Variants in LRP1B observed in about 807,000 individuals in gnomAD.
LRP1B encodes the protein LDL receptor related protein 1B, also known as low-density lipoprotein receptor-related protein 1B.
In LRP1B, 217 loss-of-function variants were observed where a neutral mutation model predicts 556.6. The ratio of observed to expected loss-of-function variants is 0.39; its 90% CI spans 0.35 to 0.44. LRP1B has a LOEUF of 0.44. LRP1B is among the 20% of genes least tolerant of loss of function. The pLI is 1.00. For synonymous variants in LRP1B, 2,047 were observed against 1,865.8 expected (o/e 1.10, Z -2.50); for missense variants, 5,053 against 5,620.8 (o/e 0.90, Z 3.23).
At chr2:140,628,162 A>ATG (rs569844065) in intron 41 of LRP1B, among the ~76,000 whole-genome samples, 7 of 152,040 alleles carry the variant, frequency 4.6e-5, no homozygotes, top group Non-Finnish European at 1.0e-4. Context: ...TGGTGTCAAG[A>ATG]TGTGTGTGTG....
chr2:140,328,884 T>TAACA (rs1471974597), intron 79 of LRP1B, among the ~76,000 whole-genome samples: 1 of 152,040 alleles, frequency 6.6e-6, no homozygotes, highest in African/African-American at 2.4e-5. Flanking sequence ...AAAATAATCC[T>TAACA]AACATTCATA....
At position 140,238,188 on chromosome 2, in the gene LRP1B, A is replaced by G. The variant is rs1439049099; in HGVS notation, c.13524T>C (p.Gly4508=). ...CTATCATAAAGCCAGGATCTAAAAG[A>G]CCTCCATCGTTGTGATCATGATCTA... The part of the protein sequence containing the change: ...YEVDHDHNDG[G]LLDPGFMIDP... The change falls in exon 89 of 91, where the codon GGT becomes GGC. Residue 4508 remains glycine (G), a synonymous_variant. Transcript: ENST00000389484. 1.2e-6 allele frequency: 2 copies of G among 1,604,666 alleles called. No individual in the cohort carries two copies.
chr2:141,044,467 A>G (rs1190539851), intron 11 of LRP1B, among the ~76,000 whole-genome samples: 4 of 150,594 alleles, frequency 2.7e-5, no homozygotes, highest in Non-Finnish European at 6.0e-5. Context: ...AGAAACTACC[A>G]TCAGAGTGAA....
chr2:140,495,775 A>G, intron 55 of LRP1B, 27 bp from the exon 56 acceptor site: 2 of 1,563,948 alleles, frequency 1.3e-6, no homozygotes, highest in Non-Finnish European at 8.8e-7. Context: ...GAGCATAATC[A>G]ATTCATATCA....
chr2:140,296,929 G>C (rs1471420542), intron 84 of LRP1B, among the ~76,000 whole-genome samples: 2 of 152,138 alleles, frequency 1.3e-5, no homozygotes, highest in African/African-American at 4.8e-5. Flanking sequence ...TAAAAAAGAG[G>C]AGAGAGTAGT....
chr2:141,214,366 C>T (rs923163021), intron 6 of LRP1B, among the ~76,000 whole-genome samples: 5 of 152,228 alleles, frequency 3.3e-5, no homozygotes, highest in Middle Eastern at 3.4e-3. Flanking sequence ...CACAGACACC[C>T]GAGCCTGTCC....
rs773818560 is a variant in LRP1B at position 140,364,797 on chromosome 2, C to T, written c.11009-14G>A. ...ATATATTTCCTCCTTTATTTTAAAA[C>T]AAAAAGAAACAAAGAGATTCAGAGT... On this transcript the variant is annotated splice_polypyrimidine_tract_variant and intron_variant, in intron 71 of 90. Coordinates refer to ENST00000389484, the MANE Select transcript of LRP1B (RefSeq NM_018557.3). 6.2e-7 allele frequency: 1 copy of T among 1,605,116 alleles called. No individual in the cohort carries two copies. The highest frequency in any genetic ancestry group is 1.4e-5 in the African/African-American group (1 of 74,028).
chr2:140,676,375 T>C (rs1685671797), intron 41 of LRP1B, among the ~76,000 whole-genome samples: 1 of 152,206 alleles, frequency 6.6e-6, no homozygotes, highest in African/African-American at 2.4e-5. Flanking sequence ...AGATATTTCT[T>C]GGATAATCCC....
intron 7 of LRP1B, among the ~76,000 whole-genome samples, chr2:141,134,181 C>T (rs1411047642): frequency 1.3e-5 from 2 of 151,748 alleles, no homozygotes; most frequent in African/African-American, 4.8e-5. Flanking sequence ...CTCTGCTTGG[C>T]TCCTCATCTA....
chr2:141,694,065 GC>G (rs1475231962), intron 2 of LRP1B, among the ~76,000 whole-genome samples: 1 of 152,122 alleles, frequency 6.6e-6, no homozygotes, highest in East Asian at 1.9e-4. Context: ...GCACAAGATC[GC>G]GGAATGTAAA....
intron 21 of LRP1B, among the ~76,000 whole-genome samples, chr2:140,918,823 T>A (rs1048034305): frequency 6.6e-6 from 1 of 151,970 alleles, no homozygotes. Context: ...ACACACCAGG[T>A]TTCCCAGTTC....
intron 3 of LRP1B, among the ~76,000 whole-genome samples, chr2:141,365,655 C>CTTTTTTTTTTTTTTTTTTGG (rs781538829): frequency 8.3e-6 from 1 of 121,150 alleles, no homozygotes; most frequent in African/African-American, 3.2e-5. Flanking sequence ...GTTTTTGTTG[C>CTTTTTTTTTTTTTTTTTTGG]TTTTTTTTTT....
chr2:141,709,786 A>T (rs1692289047), intron 2 of LRP1B, among the ~76,000 whole-genome samples: 1 of 151,986 alleles, frequency 6.6e-6, no homozygotes, highest in African/African-American at 2.4e-5. Context: ...TTTTAATAAG[A>T]TCGGTGTCTT....
At chr2:141,164,156 G>A (rs1482931153) in intron 7 of LRP1B, among the ~76,000 whole-genome samples, 2 of 152,012 alleles carry the variant, frequency 1.3e-5, no homozygotes, top group Non-Finnish European at 2.9e-5. Context: ...AAGTTAGAGA[G>A]AAGCAAGTCA....
At chr2:141,311,503 C>T (rs975659783) in intron 3 of LRP1B, among the ~76,000 whole-genome samples, 2 of 152,030 alleles carry the variant, frequency 1.3e-5, no homozygotes. Flanking sequence ...TTAAATGGGT[C>T]CTCCAAACTT....
chr2:141,033,027 C>T (rs1698422779), intron 11 of LRP1B, among the ~76,000 whole-genome samples: 1 of 151,942 alleles, frequency 6.6e-6, no homozygotes, highest in East Asian at 1.9e-4. Context: ...GCTGGAGAGA[C>T]AGTACTGAGG....
intron 78 of LRP1B, among the ~76,000 whole-genome samples, chr2:140,335,223 T>A (rs1681019089): frequency 6.6e-6 from 1 of 151,844 alleles, no homozygotes; most frequent in Non-Finnish European, 1.5e-5. Flanking sequence ...TGTGTGTACC[T>A]TCATCTTTTA....
At chr2:141,881,973 T>C (rs1043045583) in intron 1 of LRP1B, among the ~76,000 whole-genome samples, 12 of 152,132 alleles carry the variant, frequency 7.9e-5, no homozygotes, top group Non-Finnish European at 1.8e-4. Flanking sequence ...CCCAGGCTAG[T>C]CTGGAGCATC....
At chr2:142,079,053 G>C (rs1036239366) in intron 1 of LRP1B, among the ~76,000 whole-genome samples, 1 of 152,024 alleles carries the variant, frequency 6.6e-6, no homozygotes, top group African/African-American at 2.4e-5. Context: ...ATTTTAACAT[G>C]ATTCAAAGTT....
Sources: allele counts gnomAD v4.1 joint callset (sites outside exome capture counted in the v4.1 genomes callset), GRCh38; gene constraint gnomAD v4.1.1; transcripts MANE v1.5; gene names NCBI Gene and HGNC (gene_info 2026-07-23, HGNC 2026-07-21).